The following CBLB variants were observed in gnomAD, a reference collection of about 807,000 sequenced individuals.
CBLB encodes Cbl proto-oncogene B.
CBLB carries 31 observed loss-of-function variants against 104.9 expected under a neutral mutation model. The ratio of observed to expected loss-of-function variants is 0.30; its 90% CI spans 0.22 to 0.40. The LOEUF (loss-of-function observed/expected upper bound fraction) is 0.40, where lower values mean the gene tolerates loss of function less well. CBLB is among the 10% of genes least tolerant of loss of function. The probability of loss-of-function intolerance (pLI) is 1.00; values close to 1 mark genes in which losing one functional copy is unlikely to be tolerated. For missense variants in CBLB, 1,062 were observed against 1,214.6 expected (o/e 0.87, Z 1.87); for synonymous variants, 440 against 422.6 (o/e 1.04, Z -0.51).
At chr3:105,799,598 TTTA>T (rs1179506023) in intron 3 of CBLB, among the ~76,000 whole-genome samples, 1 of 152,196 alleles carries the variant, frequency 6.6e-6, no homozygotes, top group African/African-American at 2.4e-5. Context: ...AAGTGATTTT[TTTA>T]TTTATACTCA....
chr3:105,830,123 C>T (rs2087259276), intron 3 of CBLB, among the ~76,000 whole-genome samples: 1 of 152,162 alleles, frequency 6.6e-6, no homozygotes, highest in Non-Finnish European at 1.5e-5. Context: ...TGCCCCTGCC[C>T]CAGTAATGCA....
chr3:105,753,710 T>C (rs909617540), intron 4 of CBLB, among the ~76,000 whole-genome samples: 2 of 152,184 alleles, frequency 1.3e-5, no homozygotes, highest in Non-Finnish European at 2.9e-5. Flanking sequence ...GTGTATAACA[T>C]ATAAAGTTTT....
chr3:105,722,772 G>C (rs1175173601), intron 9 of CBLB, among the ~76,000 whole-genome samples: 1 of 152,100 alleles, frequency 6.6e-6, no homozygotes, highest in East Asian at 1.9e-4. Context: ...TGAAAATATT[G>C]AGTTTTGAAG....
intron 3 of CBLB, among the ~76,000 whole-genome samples, chr3:105,785,250 C>T (rs1164068244): frequency 6.6e-6 from 1 of 151,854 alleles, no homozygotes; most frequent in Non-Finnish European, 1.5e-5. Flanking sequence ...ATTTGCTGAC[C>T]CCAAAACTGT....
chr3:105,728,726 ACTTACTTAGTATTCTGTGCAAACTCTGC>A (rs1474230007), intron 9 of CBLB, among the ~76,000 whole-genome samples: 12 of 152,294 alleles, frequency 7.9e-5, no homozygotes, highest in African/African-American at 2.9e-4. Flanking sequence ...TGATTATTCA[ACTTACTTAGTATTCTGTGCAAACTCTGC>A]TTGCTTATTC....
chr3:105,831,684 T>C (rs1023719210), intron 3 of CBLB, among the ~76,000 whole-genome samples: 3 of 152,212 alleles, frequency 2.0e-5, no homozygotes, highest in African/African-American at 4.8e-5. Flanking sequence ...ACCTATTTGA[T>C]AGGATGGTCA....
chr3:105,726,595 G>A (rs1264523386), intron 9 of CBLB, among the ~76,000 whole-genome samples: 2 of 148,598 alleles, frequency 1.3e-5, no homozygotes, highest in South Asian at 2.1e-4. Flanking sequence ...GGATACATGT[G>A]CAGAACATGC....
chr3:105,724,012 CTAATTTA>C (rs2073255254), intron 9 of CBLB: 1 of 162,722 alleles, frequency 6.1e-6, no homozygotes. Flanking sequence ...TCAATAACTT[CTAATTTA>C]TATTACCTTG....
intron 9 of CBLB, among the ~76,000 whole-genome samples, chr3:105,722,198 C>CAAAAAAAAAAAAAAAAAAAAAAAA (rs5851468): frequency 3.6e-5 from 3 of 84,396 alleles, no homozygotes; most frequent in African/African-American, 4.7e-5. Flanking sequence ...GACCCCGTGC[C>CAAAAAAAAAAAAAAAAAAAAAAAA]AAAAAAAAAA....
intron 3 of CBLB, among the ~76,000 whole-genome samples, chr3:105,794,125 AT>A (rs1577249758): frequency 6.6e-6 from 1 of 152,202 alleles, no homozygotes; most frequent in East Asian, 1.9e-4. Context: ...AAATACAAAG[AT>A]TTATTTGGGC....
Position 105,748,130 on chromosome 3 carries a change from T to C in CBLB, c.724-2092A>G, listed in dbSNP as rs1210782592. Among the ~76,000 whole-genome samples, 5 of 152,316 alleles carry C rather than the reference T, an allele frequency of 3.3e-5. No homozygotes were observed. In the East Asian group the frequency reaches 9.6e-4, roughly 29 times the overall value. ...TTTGGAGAGTAACTTTTTTTTATTT[T>C]GTTTTTCAGATTGAAGAAATTTTTT... On this transcript the variant is annotated intron_variant, in intron 5 of 18. Transcript: ENST00000394030.
intron 3 of CBLB, among the ~76,000 whole-genome samples, chr3:105,792,600 C>G (rs2081802971): frequency 6.6e-6 from 1 of 152,156 alleles, no homozygotes; most frequent in Admixed American, 6.5e-5. Context: ...CCCAGTCCAC[C>G]CCCACATTTC....
chr3:105,838,908 G>A (rs571488939), intron 3 of CBLB, among the ~76,000 whole-genome samples: 14 of 152,180 alleles, frequency 9.2e-5, no homozygotes, highest in Non-Finnish European at 1.3e-4. Flanking sequence ...GAGCCATCAC[G>A]CCCGGCCCCC....
At chr3:105,760,446 G>C (rs2077508328) in intron 4 of CBLB, among the ~76,000 whole-genome samples, 1 of 151,986 alleles carries the variant, frequency 6.6e-6, no homozygotes, top group Non-Finnish European at 1.5e-5. Flanking sequence ...CACCAATACA[G>C]GATAAATTCA....
chr3:105,667,051 A>G (rs2064546784), intron 18 of CBLB, among the ~76,000 whole-genome samples: 1 of 152,252 alleles, frequency 6.6e-6, no homozygotes, highest in South Asian at 2.1e-4. Flanking sequence ...AATGTATTCA[A>G]CATTCCAACA....
chr3:105,692,639 TCTTA>T (rs999302471), intron 13 of CBLB, among the ~76,000 whole-genome samples: 6 of 152,020 alleles, frequency 3.9e-5, no homozygotes, highest in African/African-American at 1.2e-4. Context: ...TTCTGTAGGA[TCTTA>T]CTGTTAGCAG....
Position 105,702,289 on chromosome 3 carries a change from C to T in CBLB, c.1764G>A (p.Met588Ile), listed in dbSNP as rs751082607. 1 of 1,613,950 alleles carries T rather than the reference C, an allele frequency of 6.2e-7. No homozygotes were observed. The highest frequency in any genetic ancestry group is 2.2e-5 in the East Asian group (1 of 44,858). The change falls in exon 12 of 19, where the codon ATG (methionine) becomes ATA (isoleucine). Residue 588 changes from methionine (M) to isoleucine (I), a missense_variant. Physicochemically the swap from Met to Ile is conservative, Grantham distance 10 (BLOSUM62 1). Transcript: ENST00000394030. ...VESVPSRDPPMPLEAWCPRDV... is the reference protein window; with the variant it reads ...VESVPSRDPPIPLEAWCPRDV... ...CCCGAGGGCACCATGCTTCAAGAGGCATTGGCGGGTCTCTGGAAGGCACGC... is the reference window on the plus strand; with the variant it reads ...CCCGAGGGCACCATGCTTCAAGAGGTATTGGCGGGTCTCTGGAAGGCACGC...
At position 105,842,624 on chromosome 3, in the gene CBLB, C is replaced by T. The variant is rs76125801; in HGVS notation, c.419+10790G>A. 1.5e-4 allele frequency among the ~76,000 whole-genome samples: 23 copies of T among 152,294 alleles called. No homozygotes were observed. In the East Asian group the frequency reaches 4.0e-3, roughly 27 times the overall value. On this transcript the variant is annotated intron_variant, in intron 3 of 18. Coordinates refer to ENST00000394030, the MANE Select transcript of CBLB (RefSeq NM_170662.5). ...AGAGAAGCAAGTAGGTGGTAAGGTA[C>T]TGGGACAGCTTTGCAATTCAAGATA...
At position 105,691,715 on chromosome 3, in the gene CBLB, T is replaced by C. The variant is rs901018469; in HGVS notation, c.2054+1779A>G. Among the ~76,000 whole-genome samples the C allele has an allele frequency of 2.2e-4, 34 of 152,202 alleles. 1 individual carries two copies. Among genetic ancestry groups the C allele is most frequent in the Admixed American group, 2.2e-3 (34 of 15,280 alleles). On this transcript the variant is annotated intron_variant, in intron 13 of 18. Coordinates refer to ENST00000394030, the MANE Select transcript of CBLB (RefSeq NM_170662.5). The stretch of plus-strand genomic sequence containing the variant: ...TAGAGCCTACTACCCAGAGTATGTA[T>C]AATTGCTTCCAACTCCTATGCCTGC...
Sources: allele counts gnomAD v4.1 joint callset (sites outside exome capture counted in the v4.1 genomes callset), GRCh38; gene constraint gnomAD v4.1.1; transcripts MANE v1.5; gene names NCBI Gene and HGNC (gene_info 2026-07-23, HGNC 2026-07-21).